Variants in GRB14 observed in about 807,000 individuals in gnomAD.
GRB14 encodes the protein growth factor receptor bound protein 14.
GRB14 carries 38 observed loss-of-function variants against 69.1 expected under a neutral mutation model. The observed-to-expected ratio is 0.55, with a 90% confidence interval of 0.42 to 0.72. The LOEUF is 0.72. Among genes scored for constraint, GRB14 ranks in the 30% least tolerant of loss-of-function variants. The pLI, the probability that GRB14 is intolerant of heterozygous loss-of-function variation, is 0.00. For synonymous variants in GRB14, 247 were observed against 241.3 expected (o/e 1.02, Z -0.22); for missense variants, 666 against 666.1 (o/e 1.00, Z 0.00).
intron 12 of GRB14, among the ~76,000 whole-genome samples, chr2:164,495,773 T>C (rs546870753): frequency 3.4e-4 from 52 of 152,314 alleles, no homozygotes; most frequent in African/African-American, 1.2e-3. Flanking sequence ...TAAATCAAGC[T>C]GTAATTCTTT....
chr2:164,619,874 T>C (rs1690404460), intron 1 of GRB14, 55 bp from the exon 2 acceptor site: 2 of 1,460,908 alleles, frequency 1.4e-6, no homozygotes, highest in Admixed American at 3.6e-5. Flanking sequence ...TAAAATATAA[T>C]TGCTGTCAGG....
chr2:164,527,183 A>G (rs775460904), intron 3 of GRB14, 48 bp from the exon 4 acceptor site: 3 of 16,484 alleles, frequency 1.8e-4, no homozygotes, highest in East Asian at 1.3e-3. Flanking sequence ...ACAAATATAT[A>G]TATATATATA....
At chr2:164,496,600 T>C (rs1686901996) in intron 12 of GRB14, among the ~76,000 whole-genome samples, 1 of 150,920 alleles carries the variant, frequency 6.6e-6, no homozygotes, top group African/African-American at 2.4e-5. Context: ...TGTTGCATCA[T>C]ACCTAAAAAA....
At chr2:164,557,090 A>G (rs1409149146) in intron 2 of GRB14, among the ~76,000 whole-genome samples, 2 of 152,228 alleles carry the variant, frequency 1.3e-5, no homozygotes, top group African/African-American at 4.8e-5. Context: ...GCCATTTCAT[A>G]TCTGGGATTC....
At chr2:164,584,585 T>TAA (rs1197037457) in intron 2 of GRB14, among the ~76,000 whole-genome samples, 13 of 145,728 alleles carry the variant, frequency 8.9e-5, no homozygotes, top group Non-Finnish European at 1.4e-4. Context: ...CCCTACGATG[T>TAA]AAAAAAAAAA....
rs182980213 is a variant in GRB14 at position 164,528,789 on chromosome 2, A to G, written c.482-1654T>C. ...GAAATCTCTGGCTATAATTGTTCTC[A>G]CCCATGCTCCTGTCCTAACTACTAT... On this transcript the variant is annotated intron_variant, in intron 3 of 13. Coordinates refer to ENST00000263915, the MANE Select transcript of GRB14 (RefSeq NM_004490.3). Among the ~76,000 whole-genome samples the G allele has an allele frequency of 1.8e-3, 274 of 152,154 alleles. 1 individual carries two copies. The highest frequency in any genetic ancestry group is 0.015 in the South Asian group (73 of 4,812).
At chr2:164,561,689 C>A (rs1235283252) in intron 2 of GRB14, among the ~76,000 whole-genome samples, 1 of 152,154 alleles carries the variant, frequency 6.6e-6, no homozygotes, top group Non-Finnish European at 1.5e-5. Flanking sequence ...CATTTATGAG[C>A]GAGGTGCTTT....
In GRB14 at chr2:164,576,708, G is replaced by A. The variant is rs140137154; in HGVS notation, c.325-28892C>T. Among the ~76,000 whole-genome samples the A allele has an allele frequency of 1.6e-3, 242 of 150,200 alleles. 7 individuals carry two copies. The East Asian group carries it at 0.039, about 24-fold the overall frequency. ...CTCTAATTCATAAGCTTAAATACAGGTATATTAAACAAAAATAAATTTACT... is the reference window on the plus strand; with the variant it reads ...CTCTAATTCATAAGCTTAAATACAGATATATTAAACAAAAATAAATTTACT... On this transcript the variant is annotated intron_variant, in intron 2 of 13. Transcript: ENST00000263915.
intron 5 of GRB14, 145 bp downstream of exon 5, chr2:164,524,859 T>C (rs1687727428): frequency 1.9e-6 from 1 of 522,030 alleles, no homozygotes; most frequent in Admixed American, 3.8e-5. Flanking sequence ...CTGGGTGCAT[T>C]TTTTTTTTAG....
At chr2:164,617,321 G>C (rs1690321558) in intron 2 of GRB14, among the ~76,000 whole-genome samples, 1 of 152,088 alleles carries the variant, frequency 6.6e-6, no homozygotes, top group Admixed American at 6.5e-5. Flanking sequence ...TGGGTACAGT[G>C]TTCTTTGAGA....
At chr2:164,501,431 AT>A (rs1329966176) in intron 9 of GRB14, among the ~76,000 whole-genome samples, 15 of 152,260 alleles carry the variant, frequency 9.9e-5, no homozygotes, top group Non-Finnish European at 2.2e-4. Context: ...ACATTAACTG[AT>A]TTGTAACACA....
chr2:164,568,550 T>C (rs1056978551), intron 2 of GRB14: 5 of 911,670 alleles, frequency 5.5e-6, no homozygotes, highest in Non-Finnish European at 5.4e-6. Context: ...TAAGGATGGC[T>C]GTGGGACAGG....
At position 164,619,742 on chromosome 2, in the gene GRB14, A is replaced by C. The variant is rs780068377; in HGVS notation, c.269T>G (p.Phe90Cys). ...NPFPELCCSPFTSVLSADLFP... is the reference protein window; with the variant it reads ...NPFPELCCSPCTSVLSADLFP... Reference sequence around the variant, plus strand: ...TAGGTCTGCTGACAACACAGATGTAAATGGAGAACAGCATAGCTCAGGAAA... The same window carrying C: ...TAGGTCTGCTGACAACACAGATGTACATGGAGAACAGCATAGCTCAGGAAA... Residue 90 changes from phenylalanine (F) to cysteine (C), a missense_variant, in exon 2 of 14, where the codon TTT (phenylalanine) becomes TGT (cysteine). Phe to Cys is a radical substitution (Grantham distance 205). Transcript: ENST00000263915. 1 of 1,606,212 alleles carries C rather than the reference A, an allele frequency of 6.2e-7. No individual in the cohort carries two copies. Among genetic ancestry groups the C allele is most frequent in the Non-Finnish European group, 8.5e-7 (1 of 1,175,904 alleles).
At chr2:164,586,926 A>G (rs1268604250) in intron 2 of GRB14, among the ~76,000 whole-genome samples, 1 of 152,158 alleles carries the variant, frequency 6.6e-6, no homozygotes, top group Non-Finnish European at 1.5e-5. Flanking sequence ...CAAAATTTGG[A>G]CCCAGAAGGA....
At chr2:164,569,333 G>A (rs577591854) in intron 2 of GRB14, among the ~76,000 whole-genome samples, 1 of 152,222 alleles carries the variant, frequency 6.6e-6, no homozygotes, top group South Asian at 2.1e-4. Context: ...TTTCAATGAA[G>A]TCTAAATAAA....
intron 2 of GRB14, among the ~76,000 whole-genome samples, chr2:164,554,127 CTT>C (rs1051355760): frequency 1.3e-5 from 2 of 151,974 alleles, no homozygotes; most frequent in African/African-American, 2.4e-5. Flanking sequence ...AAGTTAAAGA[CTT>C]TTGTGATCAT....
intron 3 of GRB14, among the ~76,000 whole-genome samples, chr2:164,529,243 C>T (rs1483614868): frequency 6.6e-6 from 1 of 151,948 alleles, no homozygotes; most frequent in Non-Finnish European, 1.5e-5. Flanking sequence ...ATGGTGGCTG[C>T]CAGGGGTAGG....
At chr2:164,549,424 G>A (rs182406974) in intron 2 of GRB14, among the ~76,000 whole-genome samples, 52 of 152,222 alleles carry the variant, frequency 3.4e-4, no homozygotes, top group African/African-American at 1.2e-3. Context: ...CTGAATGAAT[G>A]TTATCTATCC....
chr2:164,592,729 T>C (rs775601889), intron 2 of GRB14, among the ~76,000 whole-genome samples: 1 of 152,268 alleles, frequency 6.6e-6, no homozygotes, highest in Non-Finnish European at 1.5e-5. Context: ...TTACTTTGTA[T>C]GTGCTCCACA....
Sources: allele counts gnomAD v4.1 joint callset (sites outside exome capture counted in the v4.1 genomes callset), GRCh38; gene constraint gnomAD v4.1.1; transcripts MANE v1.5; gene names NCBI Gene and HGNC (gene_info 2026-07-23, HGNC 2026-07-21).